The following MBOAT1 variants were observed in gnomAD, a reference collection of about 807,000 sequenced individuals.
The protein encoded by MBOAT1 is membrane bound glycerophospholipid O-acyltransferase 1.
In MBOAT1, 67 loss-of-function variants were observed where a neutral mutation model predicts 64.4. That is an observed-to-expected ratio of 1.04 (90% confidence interval 0.85 to 1.27). MBOAT1 has a LOEUF of 1.27. Ranked by LOEUF, MBOAT1 falls within the 50% of genes most tolerant of loss-of-function variation. MBOAT1 has a pLI of 0.00. For synonymous variants in MBOAT1, 229 were observed against 218.9 expected (o/e 1.05, Z -0.41); for missense variants, 563 against 604.6 (o/e 0.93, Z 0.72).
intron 1 of MBOAT1, among the ~76,000 whole-genome samples, chr6:20,153,075 CCGCCTGCCT>C (rs1415190936): frequency 6.6e-6 from 1 of 152,148 alleles, no homozygotes; most frequent in East Asian, 1.9e-4. Context: ...ACCTCCTGAT[CCGCCTGCCT>C]CGGCCTCCCA....
intron 1 of MBOAT1, among the ~76,000 whole-genome samples, chr6:20,191,700 A>G (rs1762806697): frequency 6.6e-6 from 1 of 152,240 alleles, no homozygotes. Context: ...CAACAGGGCA[A>G]TTGCAGAGAT....
chr6:20,113,093 C>A, intron 10 of MBOAT1, 85 bp from the exon 11 acceptor site: 1 of 1,498,184 alleles, frequency 6.7e-7, no homozygotes, highest in South Asian at 1.3e-5. Context: ...TAAGACCATG[C>A]AGAAAGCATT....
chr6:20,111,835 C>CATATATATACGTATATAT, intron 11 of MBOAT1, among the ~76,000 whole-genome samples: 1 of 86,788 alleles, frequency 1.2e-5, no homozygotes, highest in African/African-American at 4.1e-5. Context: ...CATATATATA[C>CATATATATACGTATATAT]ACATATATAT....
chr6:20,212,073 C>A, intron 1 of MBOAT1, 63 bp downstream of exon 1: 3 of 1,485,018 alleles, frequency 2.0e-6, no homozygotes, highest in Non-Finnish European at 2.8e-6. Flanking sequence ...CTAACACTTT[C>A]GCCCGCCCCG....
chr6:20,190,095 A>C (rs1468839615), intron 1 of MBOAT1, among the ~76,000 whole-genome samples: 3 of 152,042 alleles, frequency 2.0e-5, no homozygotes, highest in South Asian at 2.1e-4. Flanking sequence ...CCTGGGTTCA[A>C]GCAATTCTCC....
intron 7 of MBOAT1, among the ~76,000 whole-genome samples, chr6:20,125,610 A>G (rs1388839049): frequency 6.6e-6 from 1 of 152,256 alleles, no homozygotes; most frequent in Non-Finnish European, 1.5e-5. Flanking sequence ...GGTGACAGAT[A>G]CTGCCTAGAA....
chr6:20,190,229 A>G (rs564720978), intron 1 of MBOAT1, among the ~76,000 whole-genome samples: 3 of 152,230 alleles, frequency 2.0e-5, no homozygotes, highest in South Asian at 4.1e-4. Flanking sequence ...TCCTGACCTC[A>G]TGATTCACCC....
intron 2 of MBOAT1, among the ~76,000 whole-genome samples, chr6:20,152,379 TAATTAATTA>T (rs1761537657): frequency 2.1e-5 from 3 of 144,354 alleles, no homozygotes; most frequent in East Asian, 2.0e-4. Flanking sequence ...ATTAATTAAT[TAATTAATTA>T]AAAAAAAGAA....
At chr6:20,131,232 C>CA in intron 4 of MBOAT1, 33 bp from the exon 5 acceptor site, 2 of 1,593,846 alleles carry the variant, frequency 1.3e-6, no homozygotes, top group Non-Finnish European at 1.7e-6. Flanking sequence ...TCAAGATTGG[C>CA]AAGAAGGCCA....
chr6:20,154,837 CAGGACTTACAT>C (rs766845352), intron 1 of MBOAT1, among the ~76,000 whole-genome samples: 23 of 152,304 alleles, frequency 1.5e-4, no homozygotes, highest in Admixed American at 6.5e-4. Flanking sequence ...TGGCAAAATG[CAGGACTTACAT>C]CAATGTCTCA....
At position 20,151,195 on chromosome 6, in the gene MBOAT1, T is replaced by C. The variant is rs1256504547; in HGVS notation, c.313A>G (p.Asn105Asp). Residue 105 changes from asparagine (N) to aspartate (D), a missense_variant, in exon 3 of 13, where the codon AAT becomes GAT. Coordinates refer to ENST00000324607, the MANE Select transcript of MBOAT1 (RefSeq NM_001080480.3). ...TTCCCAGTATCTTACCTGTGAATAT[T>C]GGATACACTAGCAGTGACCATGATT... ...YAIMVTASVS[N>D]IHRYSFFVAM... 1 of 1,611,152 alleles carries C rather than the reference T, an allele frequency of 6.2e-7. No individual in the cohort carries two copies. The highest frequency in any genetic ancestry group is 1.3e-5 in the African/African-American group (1 of 74,874).
chr6:20,144,128 C>T lies in MBOAT1; in HGVS notation c.419+92G>A, dbSNP rs573244749. ...ACCAACTGATTTAACCAAGCACCAA[C>T]GATTCTTTTGTGCACCCTTGATGTT... On this transcript the variant is annotated intron_variant, in intron 4 of 12. Coordinates refer to ENST00000324607, the MANE Select transcript of MBOAT1 (RefSeq NM_001080480.3). The T allele has an allele frequency of 2.5e-4, 198 of 795,120 alleles. 1 individual carries two copies. In the East Asian group the frequency reaches 4.4e-3, roughly 17 times the overall value. 49.3% of individuals were successfully genotyped at this position (795,120 alleles called of 1,614,324 possible).
At chr6:20,168,489 GACA>G (rs1762073198) in intron 1 of MBOAT1, among the ~76,000 whole-genome samples, 1 of 120,494 alleles carries the variant, frequency 8.3e-6, no homozygotes, top group African/African-American at 3.6e-5. Flanking sequence ...CAGAGACAGA[GACA>G]GAGAGAGAGA....
intron 1 of MBOAT1, among the ~76,000 whole-genome samples, chr6:20,168,502 A>AGGAGAGGAGAGGAGAG (rs1396179772): frequency 1.1e-5 from 1 of 92,838 alleles, no homozygotes; most frequent in African/African-American, 5.6e-5. Context: ...AGAGAGAGAG[A>AGGAGAGGAGAGGAGAG]GAGAGGAGAG....
intron 1 of MBOAT1, among the ~76,000 whole-genome samples, chr6:20,156,700 G>A (rs1761699362): frequency 6.6e-6 from 1 of 152,190 alleles, no homozygotes; most frequent in African/African-American, 2.4e-5. Flanking sequence ...TTGAACCCAT[G>A]TGCACTCCTA....
chr6:20,147,886 T>C (rs1406666943), intron 3 of MBOAT1, among the ~76,000 whole-genome samples: 2 of 152,202 alleles, frequency 1.3e-5, no homozygotes, highest in Non-Finnish European at 2.9e-5. Context: ...AAATAAAGTA[T>C]ATTAAAAAGA....
intron 9 of MBOAT1, among the ~76,000 whole-genome samples, chr6:20,117,747 T>C (rs914706683): frequency 1.3e-5 from 2 of 152,364 alleles, no homozygotes; most frequent in East Asian, 3.9e-4. Context: ...TGGCTAGGAA[T>C]GCAACGCTTC....
chr6:20,114,485 G>A (rs937791849), intron 10 of MBOAT1, among the ~76,000 whole-genome samples: 1 of 152,304 alleles, frequency 6.6e-6, no homozygotes, highest in Admixed American at 6.5e-5. Context: ...TGCTAGGGGT[G>A]AACACTGCAA....
intron 1 of MBOAT1, among the ~76,000 whole-genome samples, chr6:20,184,227 G>A (rs1464805921): frequency 6.6e-6 from 1 of 152,222 alleles, no homozygotes; most frequent in Non-Finnish European, 1.5e-5. Flanking sequence ...CCCATGAGGG[G>A]AGGGTATGTA....
Sources: allele counts gnomAD v4.1 joint callset (sites outside exome capture counted in the v4.1 genomes callset), GRCh38; gene constraint gnomAD v4.1.1; transcripts MANE v1.5; gene names NCBI Gene and HGNC (gene_info 2026-07-23, HGNC 2026-07-21).